FAM171A1: variants seen among roughly 807,000 people sequenced by gnomAD.
The protein encoded by FAM171A1 is family with sequence similarity 171 member A1.
Under a neutral mutation model 74.9 loss-of-function variants are expected in FAM171A1, and 23 were observed. The observed-to-expected ratio is 0.31, with a 90% CI of 0.22 to 0.44. The LOEUF is 0.44. Ranked by LOEUF, FAM171A1 falls within the 20% of genes least tolerant of loss-of-function variation. FAM171A1 has a pLI of 1.00. For missense variants in FAM171A1, 1,162 were observed against 1,159.2 expected (o/e 1.00, Z -0.03); for synonymous variants, 527 against 505.7 (o/e 1.04, Z -0.57).
intron 1 of FAM171A1, among the ~76,000 whole-genome samples, chr10:15,333,615 G>T (rs754280263): frequency 5.9e-5 from 9 of 152,216 alleles, no homozygotes; most frequent in Non-Finnish European, 1.2e-4. Flanking sequence ...GTTGCTTGAG[G>T]CCAGGAGTTC....
chr10:15,241,959 C>T (rs1039692664), intron 5 of FAM171A1, among the ~76,000 whole-genome samples: 1 of 151,700 alleles, frequency 6.6e-6, no homozygotes, highest in Non-Finnish European at 1.5e-5. Flanking sequence ...CCACAGTTGG[C>T]CAAACCCAAT....
At position 15,312,681 on chromosome 10, in the gene FAM171A1, T is replaced by G. The variant is rs1180594380; in HGVS notation, c.98-28576A>C. On this transcript the variant is annotated intron_variant, in intron 1 of 7. Transcript: ENST00000378116. The stretch of plus-strand genomic sequence containing the variant: ...TGAGTTCAGCACTGTGTGTTTTTTT[T>G]TTTTTTTTTTTTTTTTTTTTTTTTT... 4.8e-3 allele frequency among the ~76,000 whole-genome samples: 211 copies of G among 44,346 alleles called. 12 individuals carry two copies. Among genetic ancestry groups the G allele is most frequent in the Non-Finnish European group, 7.4e-3 (146 of 19,700 alleles). The allele number at this position is 44,346 out of a possible 152,430, so 29.1% of individuals were successfully genotyped here.
intron 1 of FAM171A1, among the ~76,000 whole-genome samples, chr10:15,338,812 C>T (rs1291464412): frequency 6.6e-6 from 1 of 152,194 alleles, no homozygotes; most frequent in African/African-American, 2.4e-5. Context: ...GTGATCTTGG[C>T]ATCCTGCAAC....
chr10:15,307,565 G>C (rs1835311396), intron 1 of FAM171A1, among the ~76,000 whole-genome samples: 1 of 143,494 alleles, frequency 7.0e-6, no homozygotes, highest in Non-Finnish European at 1.5e-5. Flanking sequence ...AGAATCGCTT[G>C]TATTCGGGAG....
chr10:15,328,149 T>A (rs979525660), intron 1 of FAM171A1, among the ~76,000 whole-genome samples: 1 of 152,036 alleles, frequency 6.6e-6, no homozygotes, highest in Non-Finnish European at 1.5e-5. Flanking sequence ...GACTGTTTTT[T>A]AAAATTTTTT....
intron 1 of FAM171A1, among the ~76,000 whole-genome samples, chr10:15,311,190 T>C (rs1835355968): frequency 6.6e-6 from 1 of 152,254 alleles, no homozygotes; most frequent in Admixed American, 6.5e-5. Context: ...AGGCCACTTA[T>C]TTTACACTCA....
At chr10:15,230,048 A>G (rs1001825452) in intron 5 of FAM171A1, among the ~76,000 whole-genome samples, 3 of 151,994 alleles carry the variant, frequency 2.0e-5, no homozygotes, top group South Asian at 4.2e-4. Context: ...AATAATCTCC[A>G]TAAGTTCCTA....
intron 1 of FAM171A1, among the ~76,000 whole-genome samples, chr10:15,358,286 T>G (rs1835956092): frequency 6.6e-6 from 1 of 152,160 alleles, no homozygotes. Context: ...AGAAGCTTTT[T>G]TAAAAAGAAA....
chr10:15,318,921 C>T (rs1032657734), intron 1 of FAM171A1, among the ~76,000 whole-genome samples: 2 of 152,146 alleles, frequency 1.3e-5, no homozygotes, highest in Non-Finnish European at 2.9e-5. Flanking sequence ...AAACTCAGGC[C>T]TGCTCATAGT....
At chr10:15,325,391 C>T (rs1455281431) in intron 1 of FAM171A1, among the ~76,000 whole-genome samples, 4 of 152,102 alleles carry the variant, frequency 2.6e-5, no homozygotes, top group African/African-American at 4.8e-5. Flanking sequence ...GTCTGTAGTC[C>T]CAGCTGCTTG....
intron 1 of FAM171A1, among the ~76,000 whole-genome samples, chr10:15,315,888 T>C (rs1402686110): frequency 6.6e-6 from 1 of 152,040 alleles, no homozygotes; most frequent in Non-Finnish European, 1.5e-5. Context: ...AGAAAAAATA[T>C]AAAGAAACAG....
At chr10:15,347,089 A>C (rs1445857889) in intron 1 of FAM171A1, among the ~76,000 whole-genome samples, 6 of 152,210 alleles carry the variant, frequency 3.9e-5, no homozygotes, top group African/African-American at 1.4e-4. Context: ...AAGAATGGGA[A>C]AATCAGGCAT....
upstream of FAM171A1, among the ~76,000 whole-genome samples, chr10:15,373,638 A>G (rs1038491599): frequency 2.6e-5 from 4 of 152,196 alleles, no homozygotes; most frequent in Non-Finnish European, 5.9e-5. Context: ...ATAAGATGTT[A>G]CAATTGGGGG....
intron 1 of FAM171A1, among the ~76,000 whole-genome samples, chr10:15,326,979 T>C (rs1399756270): frequency 3.9e-5 from 6 of 152,218 alleles, no homozygotes. Context: ...GTTGTGGTTT[T>C]TCATCACCAA....
intron 1 of FAM171A1, among the ~76,000 whole-genome samples, chr10:15,298,771 A>G (rs1835191837): frequency 6.6e-6 from 1 of 152,180 alleles, no homozygotes; most frequent in Non-Finnish European, 1.5e-5. Context: ...AATATGGAAA[A>G]TGCATTTACT....
intron 1 of FAM171A1, among the ~76,000 whole-genome samples, chr10:15,310,660 G>C (rs1481225262): frequency 6.6e-6 from 1 of 152,014 alleles, no homozygotes; most frequent in Non-Finnish European, 1.5e-5. Flanking sequence ...TCTGGAGTTC[G>C]AGACCAGCCT....
At chr10:15,346,627 G>A (rs12259444) in intron 1 of FAM171A1, among the ~76,000 whole-genome samples, 1 of 152,140 alleles carries the variant, frequency 6.6e-6, no homozygotes, top group African/African-American at 2.4e-5. Flanking sequence ...GCCCACTCCT[G>A]ATGTCCAGGC....
At position 15,213,693 on chromosome 10, in the gene FAM171A1, T is replaced by TG. The variant is rs1376342523; in HGVS notation, c.1894dup (p.Gln632ProfsTer53). The TG allele has an allele frequency of 6.2e-7, 1 of 1,612,756 alleles. No homozygotes were observed. Among genetic ancestry groups the TG allele is most frequent in the Non-Finnish European group, 8.5e-7 (1 of 1,179,172 alleles). On this transcript the variant is annotated frameshift_variant, in exon 8 of 8. Coordinates refer to ENST00000378116, the MANE Select transcript of FAM171A1 (RefSeq NM_001010924.2). LOFTEE classifies it high-confidence loss of function. The surrounding 1 kb of genome is among the most constrained non-coding windows in gnomAD (Gnocchi z 6.8). Reference sequence around the variant, plus strand: ...GGAAGACAGGGGCTGGGGCTGGATCTGTGAGGACGGGTGTGGGAAGATCCC... The same window carrying TG: ...GGAAGACAGGGGCTGGGGCTGGATCTGGTGAGGACGGGTGTGGGAAGATCCC...
intron 1 of FAM171A1, among the ~76,000 whole-genome samples, chr10:15,335,659 G>C (rs1835691998): frequency 6.6e-6 from 1 of 152,176 alleles, no homozygotes; most frequent in Non-Finnish European, 1.5e-5. Context: ...TTCACAGCCT[G>C]AAAGTGACAG....
Sources: gnomAD v4.1 joint callset for allele counts (sites outside exome capture counted in the v4.1 genomes callset) on GRCh38, gnomAD v4.1.1 for gene constraint, Gnocchi (gnomAD v3.1) non-coding constraint, MANE v1.5 for transcripts, NCBI Gene and HGNC (gene_info 2026-07-23, HGNC 2026-07-21) for gene names.